ZCCHC14: variants seen among roughly 807,000 people sequenced by gnomAD.
The protein encoded by ZCCHC14 is zinc finger CCHC domain-containing protein 14.
Under a neutral mutation model 85.0 loss-of-function variants are expected in ZCCHC14, and 16 were observed. The observed-to-expected ratio is 0.19, with a 90% CI of 0.13 to 0.29. The LOEUF is 0.29. Among genes scored for constraint, ZCCHC14 ranks in the 10% least tolerant of loss-of-function variants. ZCCHC14 has a pLI of 1.00. For synonymous variants in ZCCHC14, 775 were observed against 630.7 expected (o/e 1.23, Z -3.43); for missense variants, 1,303 against 1,443.5 (o/e 0.90, Z 1.58).
At chr16:87,414,652 G>T in intron 9 of ZCCHC14, 111 bp from the exon 10 acceptor site, 1 of 1,430,740 alleles carries the variant, frequency 7.0e-7, no homozygotes, top group Non-Finnish European at 9.3e-7. Context: ...GATACAGGGC[G>T]ACTTCGAGAT....
At chr16:87,416,574 G>A (rs549785455) in intron 8 of ZCCHC14, among the ~76,000 whole-genome samples, 196 of 152,118 alleles carry the variant, frequency 1.3e-3, no homozygotes, top group Middle Eastern at 3.4e-3. Context: ...GGCCAACATA[G>A]GGAAACCCTG....
At chr16:87,456,085 T>C (rs1267975766) in intron 2 of ZCCHC14, among the ~76,000 whole-genome samples, 1 of 152,144 alleles carries the variant, frequency 6.6e-6, no homozygotes, top group Non-Finnish European at 1.5e-5. Context: ...TGAAACTTTT[T>C]CAACTTTACC....
chr16:87,443,310 G>A (rs1910275679), intron 2 of ZCCHC14, among the ~76,000 whole-genome samples: 1 of 152,184 alleles, frequency 6.6e-6, no homozygotes, highest in Admixed American at 6.5e-5. Context: ...AAGATTCAAT[G>A]AGAAAACACT....
chr16:87,490,966 C>G (rs1328310346), intron 1 of ZCCHC14, among the ~76,000 whole-genome samples: 1 of 152,268 alleles, frequency 6.6e-6, no homozygotes, highest in African/African-American at 2.4e-5. Flanking sequence ...GGGAGCGGCT[C>G]AGACGGGGAA....
At chr16:87,418,562 C>T (rs1908919648) in intron 7 of ZCCHC14, among the ~76,000 whole-genome samples, 1 of 152,216 alleles carries the variant, frequency 6.6e-6, no homozygotes, top group Non-Finnish European at 1.5e-5. Flanking sequence ...CTTCTGGGAG[C>T]AGGTTTCTCA....
intron 1 of ZCCHC14, among the ~76,000 whole-genome samples, chr16:87,482,058 A>G (rs1874345655): frequency 6.6e-6 from 1 of 152,144 alleles, no homozygotes; most frequent in Admixed American, 6.5e-5. Flanking sequence ...CCTCATTGTA[A>G]TGGCAGTGGC....
At chr16:87,448,693 AC>A (rs1443836931) in intron 2 of ZCCHC14, among the ~76,000 whole-genome samples, 2 of 152,026 alleles carry the variant, frequency 1.3e-5, no homozygotes, top group African/African-American at 4.8e-5. Flanking sequence ...TTTTCATGGC[AC>A]CCAGCTTTCA....
At position 87,412,592 on chromosome 16, in the gene ZCCHC14, T is replaced by C. The variant is rs768030081; in HGVS notation, c.2129A>G (p.Gln710Arg). 2.5e-6 allele frequency: 4 copies of C among 1,614,186 alleles called. No homozygotes were observed. Among genetic ancestry groups the C allele is most frequent in the Non-Finnish European group, 3.4e-6 (4 of 1,180,036 alleles). ...LPASAPHQPV[Q>R]VLSGLSESSS... ...GCTCTCCGAAAGCCCAGAGAGGACC[T>C]GCACAGGCTGGTGGGGTGCGGACGC... The change falls in exon 12 of 13, where the codon CAG becomes CGG. Residue 710 changes from glutamine (Q) to arginine (R), a missense_variant. Gln to Arg is a conservative substitution (Grantham distance 43). Transcript: ENST00000671377.
chr16:87,431,149 A>G (rs576561173), intron 3 of ZCCHC14, among the ~76,000 whole-genome samples: 50 of 150,914 alleles, frequency 3.3e-4, no homozygotes, highest in Middle Eastern at 7.0e-3. Context: ...AAAAAGAAAG[A>G]AAAAAGAAAA....
chr16:87,460,521 C>G (rs923858526), intron 1 of ZCCHC14, among the ~76,000 whole-genome samples: 2 of 152,166 alleles, frequency 1.3e-5, no homozygotes, highest in Non-Finnish European at 1.5e-5. Context: ...GAAACCCCAT[C>G]TCTATTAAAA....
At position 87,492,914 on chromosome 16, in the gene ZCCHC14, G is replaced by C. The variant is rs981767472; in HGVS notation, c.-676C>G. On this transcript the variant is annotated 5_prime_UTR_variant, in exon 1 of 13. Coordinates refer to ENST00000671377, the MANE Select transcript of ZCCHC14 (RefSeq NM_015144.3). This position sits in a 1 kb window ranked among gnomAD's most constrained non-coding sequence, Gnocchi z 6.7. ...GACGGATCCGGGCCCGAGCGCGGCG[G>C]CGGCGGCGACGGCGACGGCGACGGC... Among the ~76,000 whole-genome samples, 1 of 142,620 alleles carries C rather than the reference G, an allele frequency of 7.0e-6. No homozygotes were observed. The highest frequency in any genetic ancestry group is 1.5e-5 in the Non-Finnish European group (1 of 66,914). The allele number at this position is 142,620 out of a possible 152,430, so 93.6% of individuals were successfully genotyped here.
At position 87,420,562 on chromosome 16, in the gene ZCCHC14, T is replaced by C; in HGVS notation, c.950+45A>G. The C allele has an allele frequency of 2.0e-6, 3 of 1,513,350 alleles. No homozygotes were observed. Among genetic ancestry groups the C allele is most frequent in the Non-Finnish European group, 2.7e-6 (3 of 1,106,844 alleles). 93.7% of individuals were successfully genotyped at this position (1,513,350 alleles called of 1,614,324 possible). A position where few individuals can be genotyped will look rare whatever the true frequency, so the allele number is the denominator to read the frequency against. ...CAGCATTGACCACAGGACCAGCCTG[T>C]CCTTGCCAGCTGTGGACGCGCCGGG... On this transcript the variant is annotated intron_variant, in intron 5 of 12. Transcript: ENST00000671377. This position sits in a 1 kb window ranked among gnomAD's most constrained non-coding sequence, Gnocchi z 5.0.
At chr16:87,443,050 CAAGAGAAATGT>C (rs1386948235) in intron 2 of ZCCHC14, among the ~76,000 whole-genome samples, 1 of 152,180 alleles carries the variant, frequency 6.6e-6, no homozygotes, top group Non-Finnish European at 1.5e-5. Context: ...GAAAGAAAAG[CAAGAGAAATGT>C]GAAATATCTG....
chr16:87,436,689 A>C (rs1435669583), intron 2 of ZCCHC14, among the ~76,000 whole-genome samples: 2 of 152,254 alleles, frequency 1.3e-5, no homozygotes, highest in Non-Finnish European at 2.9e-5. Context: ...CCTATGTAAC[A>C]ACCTGCACAT....
intron 1 of ZCCHC14, among the ~76,000 whole-genome samples, chr16:87,488,223 G>C (rs375613926): frequency 9.8e-5 from 15 of 152,286 alleles, no homozygotes; most frequent in East Asian, 9.6e-4. Context: ...AAGCCGCAAA[G>C]GATTTATTTT....
chr16:87,490,022 T>C (rs1912681114), intron 1 of ZCCHC14, among the ~76,000 whole-genome samples: 2 of 152,182 alleles, frequency 1.3e-5, no homozygotes, highest in Non-Finnish European at 2.9e-5. Flanking sequence ...AAGGCTTACA[T>C]GGATTACTAT....
intron 2 of ZCCHC14, among the ~76,000 whole-genome samples, chr16:87,448,464 C>T (rs1042004101): frequency 3.3e-5 from 5 of 152,312 alleles, no homozygotes; most frequent in Middle Eastern, 3.4e-3. Flanking sequence ...TGAAGACTCA[C>T]GAGGCCGTTT....
chr16:87,421,206 G>A (rs915275044), intron 4 of ZCCHC14, among the ~76,000 whole-genome samples: 2 of 152,186 alleles, frequency 1.3e-5, no homozygotes, highest in African/African-American at 2.4e-5. Context: ...GAGCCCCATC[G>A]GTGGCACCTG....
intron 1 of ZCCHC14, among the ~76,000 whole-genome samples, chr16:87,461,001 G>A (rs1349710627): frequency 6.6e-6 from 1 of 152,198 alleles, no homozygotes; most frequent in Non-Finnish European, 1.5e-5. Flanking sequence ...ACCTGATGGG[G>A]TGTGCCCACT....
Sources: allele counts gnomAD v4.1 joint callset (sites outside exome capture counted in the v4.1 genomes callset), GRCh38; gene constraint gnomAD v4.1.1; non-coding constraint Gnocchi (gnomAD v3.1); transcripts MANE v1.5; gene names NCBI Gene and HGNC (gene_info 2026-07-23, HGNC 2026-07-21).